Variants in TRDN observed in about 807,000 individuals in gnomAD.
TRDN encodes the protein triadin.
In TRDN, 161 loss-of-function variants were observed where a neutral mutation model predicts 149.7. The ratio of observed to expected loss-of-function variants is 1.08; its 90% CI spans 0.95 to 1.23. The LOEUF is 1.23. TRDN is among the 50% of genes most tolerant of loss of function. The pLI, the probability that TRDN is intolerant of heterozygous loss-of-function variation, is 0.00. For missense variants in TRDN, 896 were observed against 823.5 expected, an observed-to-expected ratio of 1.09 and a Z score of -1.08; for synonymous variants, 294 against 250.5, an observed-to-expected ratio of 1.17 and a Z score of -1.64.
chr6:123,228,508 T>A (rs935287455), intron 38 of TRDN, among the ~76,000 whole-genome samples: 1 of 151,870 alleles, frequency 6.6e-6, no homozygotes, highest in Non-Finnish European at 1.5e-5. Flanking sequence ...GAATGAGAAC[T>A]GAGCAAAGGG....
chr6:123,610,522 T>C (rs1161668515), intron 1 of TRDN, among the ~76,000 whole-genome samples: 1 of 152,186 alleles, frequency 6.6e-6, no homozygotes, highest in East Asian at 1.9e-4. Flanking sequence ...ATTTTTTTCA[T>C]AGTCGCTGTC....
chr6:123,295,534 GAA>G (rs1010494078), intron 24 of TRDN, among the ~76,000 whole-genome samples: 4 of 152,088 alleles, frequency 2.6e-5, no homozygotes, highest in Admixed American at 6.6e-5. Flanking sequence ...ATTGCCAAAA[GAA>G]AATATTTTTT....
chr6:123,425,546 CAGAA>C (rs1774086571), intron 12 of TRDN, among the ~76,000 whole-genome samples: 2 of 151,790 alleles, frequency 1.3e-5, no homozygotes, highest in East Asian at 1.9e-4. Flanking sequence ...TTTGGGATTC[CAGAA>C]AGAAAGGGAG....
At chr6:123,269,605 A>G (rs966812718) in intron 31 of TRDN, among the ~76,000 whole-genome samples, 2 of 151,932 alleles carry the variant, frequency 1.3e-5, no homozygotes, top group Admixed American at 6.6e-5. Flanking sequence ...TAGTGATTTA[A>G]TTAATCATTA....
intron 10 of TRDN, among the ~76,000 whole-genome samples, chr6:123,448,525 C>A (rs1775542387): frequency 6.6e-6 from 1 of 152,036 alleles, no homozygotes; most frequent in South Asian, 2.1e-4. Context: ...CTCCTACTTA[C>A]ACAACTCCAG....
chr6:123,230,830 G>A (rs1444356264), intron 38 of TRDN, among the ~76,000 whole-genome samples: 1 of 151,862 alleles, frequency 6.6e-6, no homozygotes, highest in African/African-American at 2.4e-5. Context: ...TACCTTGAAG[G>A]TTTCCTATGA....
intron 10 of TRDN, 26 bp downstream of exon 10, chr6:123,464,880 T>G (rs766253796): frequency 3.2e-6 from 5 of 1,557,346 alleles, no homozygotes; most frequent in Middle Eastern, 3.4e-4. Flanking sequence ...ACAATAGAGA[T>G]CTTTAAGAAA....
At chr6:123,581,481 A>G (rs1248872278) in intron 1 of TRDN, among the ~76,000 whole-genome samples, 1 of 152,242 alleles carries the variant, frequency 6.6e-6, no homozygotes, top group Non-Finnish European at 1.5e-5. Context: ...GTTATTAAAT[A>G]TGAGAAATAT....
chr6:123,589,729 A>G (rs577179264), intron 1 of TRDN, among the ~76,000 whole-genome samples: 11 of 152,164 alleles, frequency 7.2e-5, no homozygotes, highest in Non-Finnish European at 1.5e-4. Context: ...AAGGCACACA[A>G]GGTAACCATA....
chr6:123,543,186 A>C (rs1255448498), intron 4 of TRDN, among the ~76,000 whole-genome samples: 1 of 152,090 alleles, frequency 6.6e-6, no homozygotes, highest in African/African-American at 2.4e-5. Context: ...GATCTTTTAC[A>C]CCTTTGCAAT....
intron 39 of TRDN, among the ~76,000 whole-genome samples, chr6:123,223,593 T>A (rs1775233311): frequency 6.6e-6 from 1 of 151,796 alleles, no homozygotes; most frequent in African/African-American, 2.4e-5. Context: ...TTCGTACATC[T>A]GGAGATCGCA....
chr6:123,275,546 A>G (rs1777341701), intron 26 of TRDN, among the ~76,000 whole-genome samples: 1 of 152,180 alleles, frequency 6.6e-6, no homozygotes, highest in Admixed American at 6.6e-5. Flanking sequence ...AGTTTTAAGC[A>G]ACACAATTTG....
At chr6:123,364,246 A>G (rs1007254015) in intron 20 of TRDN, among the ~76,000 whole-genome samples, 4 of 152,224 alleles carry the variant, frequency 2.6e-5, no homozygotes, top group African/African-American at 9.6e-5. Context: ...TGCAGAGCGC[A>G]GAGTCTATGG....
At chr6:123,516,096 G>A in intron 6 of TRDN, 45 bp downstream of exon 6, 2 of 1,410,994 alleles carry the variant, frequency 1.4e-6, no homozygotes, top group Non-Finnish European at 1.9e-6. Context: ...GAAGTCAATG[G>A]GAAAGGACTC....
chr6:123,464,656 A>T, intron 10 of TRDN: 15 of 1,228,768 alleles, frequency 1.2e-5, no homozygotes, highest in Middle Eastern at 3.4e-4. Flanking sequence ...TTTTTGCTTG[A>T]TTCCCAAAGT....
chr6:123,430,440 A>T (rs1351005512), intron 12 of TRDN, among the ~76,000 whole-genome samples: 1 of 150,002 alleles, frequency 6.7e-6, no homozygotes, highest in Non-Finnish European at 1.5e-5. Flanking sequence ...AAATTAGCCA[A>T]GCATGGTGGC....
chr6:123,551,342 T>TATATACAC lies in TRDN; in HGVS notation c.233-2731_233-2730insGTGTATAT, dbSNP rs1554256527. Among the ~76,000 whole-genome samples, 999 of 141,204 alleles carry TATATACAC rather than the reference T, an allele frequency of 7.1e-3. 11 individuals are homozygous for TATATACAC. The highest frequency in any genetic ancestry group is 0.025 in the African/African-American group (951 of 37,430). 92.6% of individuals were successfully genotyped at this position (141,204 alleles called of 152,430 possible). On this transcript the variant is annotated intron_variant, in intron 2 of 40. Coordinates refer to ENST00000334268, the MANE Select transcript of TRDN (RefSeq NM_006073.4). ...TGGACCACTTCTTCCAAAACCTAAA[T>TATATACAC]ACACACACACACACACACACACACA...
intron 10 of TRDN, among the ~76,000 whole-genome samples, chr6:123,441,346 T>C (rs1774874592): frequency 6.6e-6 from 1 of 152,190 alleles, no homozygotes; most frequent in Non-Finnish European, 1.5e-5. Context: ...CTCTTCCATC[T>C]CTTTCTCATT....
At chr6:123,281,337 T>C (rs1777578194) in intron 24 of TRDN, among the ~76,000 whole-genome samples, 2 of 152,142 alleles carry the variant, frequency 1.3e-5, no homozygotes, top group South Asian at 4.1e-4. Context: ...TTACCCTAAA[T>C]GTGTGATGGC....
Sources: allele counts gnomAD v4.1 joint callset (sites outside exome capture counted in the v4.1 genomes callset), GRCh38; gene constraint gnomAD v4.1.1; transcripts MANE v1.5; gene names NCBI Gene and HGNC (gene_info 2026-07-23, HGNC 2026-07-21).